The following LIPA variants were observed in gnomAD, a reference collection of about 807,000 sequenced individuals.
LIPA encodes lysosomal acid lipase/cholesteryl ester hydrolase.
In LIPA, 26 loss-of-function variants were observed where a neutral mutation model predicts 40.6. The observed-to-expected ratio is 0.64, with a 90% CI of 0.47 to 0.89. The LOEUF is 0.89. LIPA is among the 40% of genes least tolerant of loss of function. The pLI, the probability that LIPA is intolerant of heterozygous loss-of-function variation, is 0.00. For synonymous variants in LIPA, 188 were observed against 168.4 expected (o/e 1.12, Z -0.90); for missense variants, 455 against 479.6 (o/e 0.95, Z 0.48).
intron 2 of LIPA, among the ~76,000 whole-genome samples, chr10:89,354,310 T>C (rs1424518316): frequency 1.3e-5 from 2 of 152,358 alleles, no homozygotes; most frequent in African/African-American, 2.4e-5. Context: ...ACATCTTACA[T>C]GTACTGATTG....
At chr10:89,225,343 CAATA>C in intron 5 of LIPA, 115 bp from the exon 6 acceptor site, 1 of 1,257,406 alleles carries the variant, frequency 8.0e-7, no homozygotes, top group Non-Finnish European at 1.2e-6. Flanking sequence ...CCCACGCAAA[CAATA>C]CCACCAGCAG....
intron 1 of LIPA, among the ~76,000 whole-genome samples, chr10:89,331,858 CAAAAAA>C (rs10540155): frequency 5.0e-5 from 4 of 80,606 alleles, no homozygotes; most frequent in Non-Finnish European, 2.6e-5. Context: ...GATCCTGTCT[CAAAAAA>C]AAAAAAAAAA....
chr10:89,313,829 G>C (rs186726111), intron 1 of LIPA, among the ~76,000 whole-genome samples: 7 of 152,178 alleles, frequency 4.6e-5, no homozygotes, highest in Non-Finnish European at 1.0e-4. Context: ...AATGTGGAAC[G>C]GAGGCAAATT....
Position 89,248,421 on chromosome 10 carries a change from A to AATTATT in LIPA, c.-1-778_-1-773dup, listed in dbSNP as rs199819768. Among the ~76,000 whole-genome samples the AATTATT allele has an allele frequency of 3.2e-4, 32 of 100,066 alleles. No homozygotes were observed. In the Admixed American group the frequency reaches 3.3e-3, roughly 10 times the overall value. The allele number at this position is 100,066 out of a possible 152,430, so 65.6% of individuals were successfully genotyped here. A position where few individuals can be genotyped will look rare whatever the true frequency, so the allele number is the denominator to read the frequency against. ...CCTGCCCGCCTCCGCCTCCCAAAGG[A>AATTATT]ATTATTATTATTATTATTTTATATT... is the stretch of plus-strand genomic sequence containing the variant. On this transcript the variant is annotated intron_variant, in intron 1 of 9. Transcript: ENST00000336233.
intron 4 of LIPA, 118 bp downstream of exon 4, chr10:89,228,082 A>T: frequency 1.2e-6 from 1 of 836,590 alleles, no homozygotes; most frequent in Non-Finnish European, 2.1e-6. Context: ...AAAGACACTA[A>T]CTTCCCCTCT....
chr10:89,259,771 A>G (rs1054267771), intron 1 of LIPA, among the ~76,000 whole-genome samples: 2 of 152,246 alleles, frequency 1.3e-5, no homozygotes, highest in African/African-American at 2.4e-5. Flanking sequence ...TTCTGAGAGA[A>G]AGAGGACAAA....
chr10:89,294,769 G>C (rs1843400248), intron 1 of LIPA, among the ~76,000 whole-genome samples: 1 of 151,922 alleles, frequency 6.6e-6, no homozygotes, highest in African/African-American at 2.4e-5. Flanking sequence ...GATCCCAGGA[G>C]TTTGAGAGCA....
At chr10:89,278,254 G>GTCA (rs1843298478) in intron 1 of LIPA, 1 of 152,180 alleles carries the variant, frequency 6.6e-6, no homozygotes, top group African/African-American at 2.4e-5. Context: ...GAAAAAATAA[G>GTCA]TCACAAGACC....
intron 2 of LIPA, among the ~76,000 whole-genome samples, chr10:89,394,929 A>C (rs187168390): frequency 5.5e-4 from 83 of 152,198 alleles, no homozygotes; most frequent in African/African-American, 1.8e-3. Context: ...ATATAAATGG[A>C]AACACATACT....
exon 1 of LIPA, chr10:89,342,640 T>C (rs1351472986): frequency 6.6e-6 from 1 of 152,230 alleles, no homozygotes; most frequent in Non-Finnish European, 1.5e-5. Flanking sequence ...GTGAATTGCA[T>C]GCTGCAGCCC....
chr10:89,261,236 T>C (rs1214981403), intron 1 of LIPA, among the ~76,000 whole-genome samples: 1 of 152,180 alleles, frequency 6.6e-6, no homozygotes, highest in Non-Finnish European at 1.5e-5. Context: ...TTTGCCAAAA[T>C]AGCTGGACCC....
chr10:89,293,440 C>T (rs550164782), intron 1 of LIPA: 1 of 152,240 alleles, frequency 6.6e-6, no homozygotes, highest in Non-Finnish European at 1.5e-5. Flanking sequence ...ACGGTCTCCA[C>T]TTACTCTTTT....
chr10:89,330,642 A>T (rs544621147), intron 1 of LIPA, among the ~76,000 whole-genome samples: 6 of 152,318 alleles, frequency 3.9e-5, no homozygotes, highest in Admixed American at 6.5e-5. Flanking sequence ...ATCCTAGGGC[A>T]TTTTAAGGAT....
At chr10:89,307,053 C>A in intron 1 of LIPA, 1 of 1,614,022 alleles carries the variant, frequency 6.2e-7, no homozygotes, top group African/African-American at 1.3e-5. Context: ...AAAGAGCTTA[C>A]TCCTGTAGCG....
At chr10:89,261,019 A>G (rs1054867403) in intron 1 of LIPA, among the ~76,000 whole-genome samples, 3 of 152,212 alleles carry the variant, frequency 2.0e-5, no homozygotes, top group Non-Finnish European at 2.9e-5. Flanking sequence ...TCTAGAAATT[A>G]TTGTCTAAGG....
intron 1 of LIPA, chr10:89,327,750 AGG>A (rs1391227258): frequency 5.6e-6 from 2 of 354,070 alleles, no homozygotes; most frequent in Non-Finnish European, 5.2e-6. Flanking sequence ...GGTTTACATT[AGG>A]AATGCTTCCA....
At chr10:89,316,948 G>C (rs976265145) in intron 1 of LIPA, among the ~76,000 whole-genome samples, 3 of 152,180 alleles carry the variant, frequency 2.0e-5, no homozygotes, top group African/African-American at 7.2e-5. Context: ...AGGCAAACAG[G>C]GTCTGGAGTG....
At chr10:89,381,893 C>T (rs1844166102) in intron 2 of LIPA, among the ~76,000 whole-genome samples, 1 of 152,082 alleles carries the variant, frequency 6.6e-6, no homozygotes, top group Non-Finnish European at 1.5e-5. Flanking sequence ...TCAAGTGATT[C>T]TTGTGCCTCA....
At chr10:89,352,788 T>TAAAA (rs34514402) in intron 2 of LIPA, among the ~76,000 whole-genome samples, 3 of 113,132 alleles carry the variant, frequency 2.7e-5, no homozygotes, top group Non-Finnish European at 3.7e-5. Context: ...ACTACAAAGA[T>TAAAA]AAAAAAAAAA....
Sources: allele counts gnomAD v4.1 joint callset (sites outside exome capture counted in the v4.1 genomes callset), GRCh38; gene constraint gnomAD v4.1.1; transcripts MANE v1.5; gene names NCBI Gene and HGNC (gene_info 2026-07-23, HGNC 2026-07-21).